Variants in KCNK12 observed in about 807,000 individuals in gnomAD.
KCNK12 encodes potassium two pore domain channel subfamily K member 12.
Under a neutral mutation model 25.3 loss-of-function variants are expected in KCNK12, and 6 were observed. That is an observed-to-expected ratio of 0.24 (90% CI 0.13 to 0.47). The LOEUF is 0.47. KCNK12 is among the 20% of genes least tolerant of loss of function. The pLI, the probability that KCNK12 is intolerant of heterozygous loss-of-function variation, is 0.99. For missense variants in KCNK12, 444 were observed against 661.7 expected (o/e 0.67, Z 3.61); for synonymous variants, 331 against 311.1 (o/e 1.06, Z -0.67).
At chr2:47,534,200 C>A (rs768417860) in intron 1 of KCNK12, among the ~76,000 whole-genome samples, 4 of 151,924 alleles carry the variant, frequency 2.6e-5, no homozygotes, top group Non-Finnish European at 4.4e-5. Context: ...CTCGGCACAG[C>A]CTTCCTTGCT....
Position 47,512,329 on chromosome 2 carries a change from C to A in KCNK12, c.*8578G>T. The A allele has an allele frequency of 6.2e-7, 1 of 1,612,666 alleles. No homozygotes were observed. Among genetic ancestry groups the A allele is most frequent in the Admixed American group, 1.7e-5 (1 of 59,990 alleles). On this transcript the variant is annotated 3_prime_UTR_variant, in exon 2 of 2. Coordinates refer to ENST00000327876, the MANE Select transcript of KCNK12 (RefSeq NM_022055.2). ...ACCTCAGAGTGACAGAGCCAAAAGA[C>A]CAGTGCCTCATTTTGCTGACATGGA... is the stretch of plus-strand genomic sequence containing the variant.
At chr2:47,536,711 G>A (rs537838219) in intron 1 of KCNK12, among the ~76,000 whole-genome samples, 1 of 152,304 alleles carries the variant, frequency 6.6e-6, no homozygotes, top group South Asian at 2.1e-4. Flanking sequence ...ATCAAAGAGG[G>A]CTAATTCTAG....
In KCNK12 at chr2:47,511,299, G is replaced by C. The variant is rs145582597; in HGVS notation, c.*9608C>G. On this transcript the variant is annotated 3_prime_UTR_variant, in exon 2 of 2. Transcript: ENST00000327876. This position sits in a 1 kb window ranked among gnomAD's most constrained non-coding sequence, Gnocchi z 4.3. ...GCTGCCAGAGCATGGCAGAGTAAAT[G>C]TGTGAGTTGAAGGGAGCAACCTCAT... 2.0e-3 allele frequency among the ~76,000 whole-genome samples: 303 copies of C among 152,320 alleles called. No homozygotes were observed. The highest frequency in any genetic ancestry group is 3.6e-3 in the Non-Finnish European group (243 of 68,030).
chr2:47,558,986 G>GAA (rs1669606601), intron 1 of KCNK12, among the ~76,000 whole-genome samples: 3 of 152,244 alleles, frequency 2.0e-5, no homozygotes, highest in Non-Finnish European at 4.4e-5. Context: ...ATTGAGCAGG[G>GAA]CCTCTTTATG....
At chr2:47,563,722 T>G in intron 1 of KCNK12, 1 of 232,994 alleles carries the variant, frequency 4.3e-6, no homozygotes, top group Admixed American at 5.6e-5. Context: ...ATGGGCTGAT[T>G]GTTGGCTTTT....
Position 47,562,799 on chromosome 2 carries a change from G to T in KCNK12, c.391+7142C>A, listed in dbSNP as rs1669707751. On this transcript the variant is annotated intron_variant, in intron 1 of 1. Coordinates refer to ENST00000327876, the MANE Select transcript of KCNK12 (RefSeq NM_022055.2). This position sits in a 1 kb window ranked among gnomAD's most constrained non-coding sequence, Gnocchi z 4.8. The stretch of plus-strand genomic sequence containing the variant: ...CCTGTTCCTCACCAACTCTCCCCGT[G>T]TAGAAACTCTGCAGAGAGTATGACC... The T allele has an allele frequency of 4.3e-6, 1 of 233,088 alleles. No individual in the cohort carries two copies. Among genetic ancestry groups the T allele is most frequent in the South Asian group, 1.8e-4 (1 of 5,530 alleles). The allele number at this position is 233,088 out of a possible 1,614,324, so 14.4% of individuals were successfully genotyped here.
intron 1 of KCNK12, among the ~76,000 whole-genome samples, chr2:47,553,161 G>C (rs1476773926): frequency 1.3e-5 from 2 of 152,208 alleles, no homozygotes; most frequent in Middle Eastern, 3.2e-3. Context: ...CATTGCAAGA[G>C]TATATAGCTC....
intron 1 of KCNK12, among the ~76,000 whole-genome samples, chr2:47,546,807 C>G (rs558417836): frequency 6.6e-6 from 1 of 152,032 alleles, no homozygotes; most frequent in Admixed American, 6.5e-5. Flanking sequence ...AGAGGGTTTA[C>G]AGTGGAAGGG....
At position 47,521,238 on chromosome 2, in the gene KCNK12, C is replaced by G; in HGVS notation, c.962G>C (p.Cys321Ser). 1 of 1,603,842 alleles carries G rather than the reference C, an allele frequency of 6.2e-7. No homozygotes were observed. The highest frequency in any genetic ancestry group is 8.5e-7 in the Non-Finnish European group (1 of 1,175,588). ...RKLSCRCCARCCPAPGAPLAR... is the reference protein window; with the variant it reads ...RKLSCRCCARSCPAPGAPLAR... ...CAGGGGCGCGCCAGGAGCCGGGCAG[C>G]AGCGCGCGCAGCAGCGGCAGCTCAG... Residue 321 changes from cysteine (C) to serine (S), a missense_variant, in exon 2 of 2, where the codon TGC becomes TCC. Transcript: ENST00000327876.
rs185270930 is a variant in KCNK12, at chr2:47,513,776, G to A, written c.*7131C>T. Among the ~76,000 whole-genome samples the A allele has an allele frequency of 2.0e-5, 3 of 152,084 alleles. No homozygotes were observed. Among genetic ancestry groups the A allele is most frequent in the Non-Finnish European group, 2.9e-5 (2 of 68,014 alleles). On this transcript the variant is annotated 3_prime_UTR_variant, in exon 2 of 2. Transcript: ENST00000327876. ...GCTGCTTAGCCTGAGACCTGGCTCC[G>A]TCCCAATTCCTCTCTCTCAGTCTTA...
rs1029789498 is a variant in KCNK12, at chr2:47,514,905, C to G, written c.*6002G>C. On this transcript the variant is annotated 3_prime_UTR_variant, in exon 2 of 2. Coordinates refer to ENST00000327876, the MANE Select transcript of KCNK12 (RefSeq NM_022055.2). The surrounding 1 kb of genome is among the most constrained non-coding windows in gnomAD (Gnocchi z 5.0). ...GGGATTATAGACATGAGCCACCATG[C>G]CCAGCTAAAAGTTCCTTTTTAAAAT... 6.6e-6 allele frequency among the ~76,000 whole-genome samples: 1 copy of G among 152,194 alleles called. No homozygotes were observed. The highest frequency in any genetic ancestry group is 2.4e-5 in the African/African-American group (1 of 41,454).
At position 47,517,049 on chromosome 2, in the gene KCNK12, A is replaced by T. The variant is rs1668543053; in HGVS notation, c.*3858T>A. 6.6e-6 allele frequency: 1 copy of T among 152,210 alleles called. No individual in the cohort carries two copies. The highest frequency in any genetic ancestry group is 6.5e-5 in the Admixed American group (1 of 15,278). The allele number at this position is 152,210 out of a possible 1,614,324, so 9.4% of individuals were successfully genotyped here. ...CAACAATACAAGAACCCTGCAACAG[A>T]TAAAGCCCCAGCGCCTCTTCTGGAC... On this transcript the variant is annotated 3_prime_UTR_variant, in exon 2 of 2. Transcript: ENST00000327876. The surrounding 1 kb of genome is among the most constrained non-coding windows in gnomAD (Gnocchi z 4.1).
chr2:47,521,872 T>TGGGGGTGGGG, intron 1 of KCNK12, 64 bp from the exon 2 acceptor site: 2 of 224,480 alleles, frequency 8.9e-6, no homozygotes, highest in East Asian at 8.5e-5. Context: ...TGGGCGAGGG[T>TGGGGGTGGGG]GGGGGGTGTG....
intron 1 of KCNK12, among the ~76,000 whole-genome samples, chr2:47,568,540 T>C (rs1357114549): frequency 3.9e-5 from 6 of 152,166 alleles, no homozygotes. Context: ...AGGAAGTGCT[T>C]TCATAGACTA....
Position 47,519,552 on chromosome 2 carries a change from T to C in KCNK12, c.*1355A>G, listed in dbSNP as rs2104711496. On this transcript the variant is annotated 3_prime_UTR_variant, in exon 2 of 2. Coordinates refer to ENST00000327876, the MANE Select transcript of KCNK12 (RefSeq NM_022055.2). ...CACTATCCTTTCAATGAAGCCTGGG[T>C]ATCTGGCCTTCCTCCAGGTCAGGGA... 1 of 152,282 alleles carries C rather than the reference T, an allele frequency of 6.6e-6. No individual in the cohort carries two copies. Among genetic ancestry groups the C allele is most frequent in the South Asian group, 2.1e-4 (1 of 4,828 alleles). The allele number at this position is 152,282 out of a possible 1,614,324, so 9.4% of individuals were successfully genotyped here.
chr2:47,545,004 G>A (rs932957426), intron 1 of KCNK12, among the ~76,000 whole-genome samples: 1 of 152,048 alleles, frequency 6.6e-6, no homozygotes, highest in African/African-American at 2.4e-5. Context: ...TTTTTCAAAT[G>A]TTCTATAAGA....
At position 47,533,935 on chromosome 2, in the gene KCNK12, A is replaced by C. The variant is rs972966758; in HGVS notation, c.392-12127T>G. ...GCAGTGATCCGGACAGAGAGGCTCC[A>C]GTCAGCCAGGCACAGAGAAAATGGC... On this transcript the variant is annotated intron_variant, in intron 1 of 1. Coordinates refer to ENST00000327876, the MANE Select transcript of KCNK12 (RefSeq NM_022055.2). The surrounding 1 kb of genome is among the most constrained non-coding windows in gnomAD (Gnocchi z 4.7). 1.3e-5 allele frequency among the ~76,000 whole-genome samples: 2 copies of C among 151,916 alleles called. No individual in the cohort carries two copies. Among genetic ancestry groups the C allele is most frequent in the African/African-American group, 4.8e-5 (2 of 41,312 alleles).
At chr2:47,534,279 CA>C (rs1450648003) in intron 1 of KCNK12, among the ~76,000 whole-genome samples, 1 of 152,022 alleles carries the variant, frequency 6.6e-6, no homozygotes, top group Non-Finnish European at 1.5e-5. Context: ...CTCTCCTCAC[CA>C]GAAATCATTC....
chr2:47,530,849 T>A (rs1668905791), intron 1 of KCNK12, among the ~76,000 whole-genome samples: 1 of 152,224 alleles, frequency 6.6e-6, no homozygotes, highest in Non-Finnish European at 1.5e-5. Context: ...TAAACTGAGT[T>A]GCATTTAACA....
Sources: allele counts gnomAD v4.1 joint callset (sites outside exome capture counted in the v4.1 genomes callset), GRCh38; gene constraint gnomAD v4.1.1; non-coding constraint Gnocchi (gnomAD v3.1); transcripts MANE v1.5; gene names NCBI Gene and HGNC (gene_info 2026-07-23, HGNC 2026-07-21).